PKHD1L1: variants seen among roughly 807,000 people sequenced by gnomAD.
The protein encoded by PKHD1L1 is fibrocystin-L.
In PKHD1L1, 434 loss-of-function variants were observed where a neutral mutation model predicts 462.9. The observed-to-expected ratio is 0.94, with a 90% CI of 0.87 to 1.02. The LOEUF is 1.02. PKHD1L1 is among the 50% of genes least tolerant of loss of function. PKHD1L1 has a pLI of 0.00. For missense variants in PKHD1L1, 5,202 were observed against 5,096.1 expected, an observed-to-expected ratio of 1.02 and a Z score of -0.63; for synonymous variants, 1,781 against 1,750.0, an observed-to-expected ratio of 1.02 and a Z score of -0.44.
At chr8:109,419,061 C>T in intron 21 of PKHD1L1, 36 bp from the exon 22 acceptor site, 1 of 1,549,542 alleles carries the variant, frequency 6.5e-7, no homozygotes. Flanking sequence ...AACATTACCA[C>T]TGATCTATAC....
At chr8:109,389,290 T>C (rs992046974) in intron 8 of PKHD1L1, 138 bp downstream of exon 8, 5 of 590,752 alleles carry the variant, frequency 8.5e-6, no homozygotes, top group African/African-American at 1.9e-5. Flanking sequence ...TTTTCTCTTT[T>C]CCTTGGCTTC....
rs1328637998 is a variant in PKHD1L1, at chr8:109,451,063, A to T, written c.6264A>T (p.Ser2088=). Residue 2088 remains serine (S), a synonymous_variant, in exon 41 of 78, where the codon TCA becomes TCT. Coordinates refer to ENST00000378402, the MANE Select transcript of PKHD1L1 (RefSeq NM_177531.6). ...QSMTPFTYAV[S]LTPLITAVSP... ...TGACTCCGTTTACGTACGCAGTGTC[A>T]CTGACTCCACTCATCACTGCAGTAT... is the stretch of plus-strand genomic sequence containing the variant. 1.9e-6 allele frequency: 3 copies of T among 1,613,794 alleles called. No individual in the cohort carries two copies. The highest frequency in any genetic ancestry group is 2.5e-6 in the Non-Finnish European group (3 of 1,179,758).
chr8:109,378,976 C>T (rs190403815), intron 2 of PKHD1L1, among the ~76,000 whole-genome samples: 22 of 152,282 alleles, frequency 1.4e-4, no homozygotes, highest in Non-Finnish European at 4.4e-5. Context: ...TTGGATGATT[C>T]GTCCAGGAGC....
intron 72 of PKHD1L1, among the ~76,000 whole-genome samples, chr8:109,516,438 A>G (rs552295298): frequency 6.6e-5 from 10 of 152,152 alleles, no homozygotes; most frequent in African/African-American, 2.4e-4. Flanking sequence ...TTAGAAGGGC[A>G]CTAATTCCAT....
At chr8:109,387,158 C>A (rs953284907) in intron 6 of PKHD1L1, among the ~76,000 whole-genome samples, 2 of 152,102 alleles carry the variant, frequency 1.3e-5, no homozygotes, top group African/African-American at 4.8e-5. Flanking sequence ...GTGTTCTGGG[C>A]AGGAATTCAG....
At position 109,530,079 on chromosome 8, in the gene PKHD1L1, G is replaced by A. The variant is rs1203861804; in HGVS notation, c.12722-1G>A. ...TGTTTTGTATTGTTTCCATTTTTCAGGAAGCTACTAAAGTGCTGTTCCGAA... is the reference window on the plus strand; with the variant it reads ...TGTTTTGTATTGTTTCCATTTTTCAAGAAGCTACTAAAGTGCTGTTCCGAA... On this transcript the variant is annotated splice_acceptor_variant, in intron 77 of 77. Coordinates refer to ENST00000378402, the MANE Select transcript of PKHD1L1 (RefSeq NM_177531.6). LOFTEE classifies it high-confidence loss of function. The A allele has an allele frequency of 1.5e-6, 2 of 1,355,602 alleles. No homozygotes were observed. The highest frequency in any genetic ancestry group is 1.5e-5 in the African/African-American group (1 of 65,100). 84.0% of individuals were successfully genotyped at this position (1,355,602 alleles called of 1,614,324 possible).
In PKHD1L1 at chr8:109,465,003, C is replaced by T. The variant is rs763514487; in HGVS notation, c.8171C>T (p.Thr2724Ile). The T allele has an allele frequency of 2.5e-6, 4 of 1,613,834 alleles. No individual in the cohort carries two copies. Among genetic ancestry groups the T allele is most frequent in the Non-Finnish European group, 3.4e-6 (4 of 1,179,794 alleles). ...DELGMGSAFC[T>I]AKGLVLPFSE... ...CTGGGAATGGGGTCTGCATTTTGCACAGCAAAAGGCCTGGTTCTCCCATTT... is the reference window on the plus strand; with the variant it reads ...CTGGGAATGGGGTCTGCATTTTGCATAGCAAAAGGCCTGGTTCTCCCATTT... The change falls in exon 49 of 78, where the codon ACA becomes ATA. Residue 2724 changes from threonine (T) to isoleucine (I), a missense_variant. Physicochemically the swap from Thr to Ile is moderately conservative, Grantham distance 89. Around this residue, in one of 3 missense-constraint regions of PKHD1L1, gnomAD observed 4,497 missense variants for 4,336.8 expected, o/e 1.04. Transcript: ENST00000378402.
intron 72 of PKHD1L1, among the ~76,000 whole-genome samples, chr8:109,516,503 C>T (rs1244091810): frequency 6.6e-6 from 1 of 152,058 alleles, no homozygotes; most frequent in South Asian, 2.1e-4. Flanking sequence ...CCCAAAGGCT[C>T]TCATCTCCAA....
Position 109,443,012 on chromosome 8 carries a change from C to T in PKHD1L1, c.4460C>T (p.Ala1487Val), listed in dbSNP as rs1586522756. The change falls in exon 36 of 78, where the codon GCT (alanine) becomes GTT (valine). Residue 1487 changes from alanine (A) to valine (V), a missense_variant. Ala to Val is a moderately conservative substitution (Grantham distance 64, BLOSUM62 0). Coordinates refer to ENST00000378402, the MANE Select transcript of PKHD1L1 (RefSeq NM_177531.6). The part of the protein sequence containing the change: ...HYYSSGYVDE[A>V]HSIFLQGVIN... ...TATAGCAGCGGGTATGTTGATGAGG[C>T]TCACTCCATTTTTCTCCAAGGAGTC... 6.2e-7 allele frequency: 1 copy of T among 1,613,644 alleles called. No individual in the cohort carries two copies.
intron 24 of PKHD1L1, among the ~76,000 whole-genome samples, chr8:109,426,713 G>T (rs920606961): frequency 1.3e-5 from 2 of 152,082 alleles, no homozygotes; most frequent in East Asian, 3.9e-4. Context: ...TAGTGCAGTG[G>T]CACGATCTTG....
intron 68 of PKHD1L1, among the ~76,000 whole-genome samples, chr8:109,507,145 A>C (rs948722299): frequency 3.3e-5 from 5 of 152,184 alleles, no homozygotes; most frequent in Admixed American, 6.5e-5. Context: ...ATGAGCCTAA[A>C]AGATTAGTAT....
rs374388388 is a variant in PKHD1L1 at position 109,437,065 on chromosome 8, A to G, written c.3627+606A>G. On this transcript the variant is annotated intron_variant, in intron 30 of 77. Transcript: ENST00000378402. ...CAAGTCACTGGGATTACAGGCATGT[A>G]CCACCACGCCCAGCTAATTTTTGTA... is the stretch of plus-strand genomic sequence containing the variant. Among the ~76,000 whole-genome samples the G allele has an allele frequency of 5.9e-4, 90 of 152,086 alleles. No homozygotes were observed. In the East Asian group the frequency reaches 0.011, roughly 18 times the overall value.
chr8:109,407,939 C>G (rs1017252862), intron 17 of PKHD1L1, 110 bp from the exon 18 acceptor site: 1 of 681,290 alleles, frequency 1.5e-6, no homozygotes, highest in African/African-American at 1.9e-5. Flanking sequence ...CCAAATGAAA[C>G]CAATTTGGCT....
chr8:109,405,114 TA>T lies in PKHD1L1; in HGVS notation c.1655del (p.Asn552IlefsTer21). 1 of 1,481,770 alleles carries T rather than the reference TA, an allele frequency of 6.7e-7. No homozygotes were observed. The highest frequency in any genetic ancestry group is 9.2e-7 in the Non-Finnish European group (1 of 1,086,386). The allele number at this position is 1,481,770 out of a possible 1,614,324, so 91.8% of individuals were successfully genotyped here. On this transcript the variant is annotated frameshift_variant, in exon 16 of 78. Transcript: ENST00000378402. LOFTEE classifies it high-confidence loss of function. ...CSLYQYRLIY[N>X]MEKTVFLPAD... ...CACTTTACCAATATAGATTAATCTA[TA>T]ATATGGAAAAAACTGGTAAGTTATA...
intron 45 of PKHD1L1, 110 bp downstream of exon 45, chr8:109,454,962 T>C: frequency 1.5e-6 from 2 of 1,346,726 alleles, no homozygotes; most frequent in Non-Finnish European, 2.0e-6. Context: ...TGAAAGTGTG[T>C]TAGGCTTCTC....
intron 2 of PKHD1L1, among the ~76,000 whole-genome samples, chr8:109,374,372 T>A (rs1043996470): frequency 3.9e-5 from 6 of 152,218 alleles, no homozygotes; most frequent in Non-Finnish European, 7.3e-5. Flanking sequence ...CCTCCATCCC[T>A]TTATTTTGAG....
At position 109,456,340 on chromosome 8, in the gene PKHD1L1, C is replaced by T; in HGVS notation, c.6953C>T (p.Ala2318Val). 1.2e-6 allele frequency: 2 copies of T among 1,610,976 alleles called. No individual in the cohort carries two copies. Among genetic ancestry groups the T allele is most frequent in the Non-Finnish European group, 1.7e-6 (2 of 1,178,446 alleles). Residue 2318 changes from alanine (A) to valine (V), a missense_variant, in exon 46 of 78, where the codon GCA (alanine) becomes GTA (valine). Transcript: ENST00000378402. ...GAAAGAATTTTAATTTTACAAGAAG[C>T]AGTAACATGGAAACCAGGAGATAAC... ...AGERILILQE[A>V]VTWKPGDNIV...
intron 20 of PKHD1L1, among the ~76,000 whole-genome samples, chr8:109,413,159 G>A (rs1813948746): frequency 6.6e-6 from 1 of 151,980 alleles, no homozygotes; most frequent in Non-Finnish European, 1.5e-5. Flanking sequence ...ATTGTTTCCA[G>A]TTTTAAAGGA....
At chr8:109,422,900 T>C (rs936469328) in intron 23 of PKHD1L1, among the ~76,000 whole-genome samples, 7 of 152,206 alleles carry the variant, frequency 4.6e-5, no homozygotes, top group Admixed American at 6.5e-5. Context: ...ATTTTTAATT[T>C]TAGGCGTTCT....
Sources: allele counts gnomAD v4.1 joint callset (sites outside exome capture counted in the v4.1 genomes callset), GRCh38; gene constraint gnomAD v4.1.1; regional missense constraint gnomAD v4.1.1; transcripts MANE v1.5; gene names NCBI Gene and HGNC (gene_info 2026-07-23, HGNC 2026-07-21).